The following MORF4L2 variants were observed in gnomAD, a reference collection of about 807,000 sequenced individuals.
MORF4L2 encodes mortality factor 4 like 2, also known as mortality factor 4-like protein 2.
Under a neutral mutation model 12.0 loss-of-function variants are expected in MORF4L2, and 1 was observed. The ratio of observed to expected loss-of-function variants is 0.08; its 90% confidence interval spans 0.03 to 0.40. MORF4L2 has a LOEUF of 0.40. MORF4L2 is among the 10% of genes least tolerant of loss of function. MORF4L2 has a pLI of 0.98. For missense variants in MORF4L2, 123 were observed against 214.0 expected (o/e 0.57, Z 2.65); for synonymous variants, 69 against 81.6 (o/e 0.85, Z 0.83).
At position 103,676,112 on chromosome X, in the gene MORF4L2, A is replaced by G. The variant is rs748449699; in HGVS notation, c.*49T>C. ...TTTTACAAGAAAAAGACTAAGAACA[A>G]AAAGTGTTTACAGATACAGGACAAA... On this transcript the variant is annotated 3_prime_UTR_variant, in exon 4 of 4. Transcript: ENST00000441076. The G allele has an allele frequency of 1.8e-6, 2 of 1,111,838 alleles. No individual in the cohort carries two copies. Among genetic ancestry groups the G allele is most frequent in the South Asian group, 2.3e-5 (1 of 44,139 alleles). 91.6% of individuals were successfully genotyped at this position (1,111,838 alleles called of 1,213,427 possible).
chrX:103,683,230 T>C (rs1434762454), intron 2 of MORF4L2, among the ~76,000 whole-genome samples: 1 of 111,424 alleles, frequency 9.0e-6, no homozygotes, highest in Non-Finnish European at 1.9e-5. Flanking sequence ...GGCGCCCACC[T>C]GTATTTTTAG....
Position 103,676,936 on chromosome X carries a change from C to A in MORF4L2, c.92G>T (p.Arg31Ile). 1 of 1,209,844 alleles carries A rather than the reference C, an allele frequency of 8.3e-7. No individual in the cohort carries two copies. Among genetic ancestry groups the A allele is most frequent in the Non-Finnish European group, 1.1e-6 (1 of 895,131 alleles). ...TGAGGAGGCCCCTCTCATTTTACTT[C>A]TCTGCATGTTGCTTCTAGTTGGTTT... is the stretch of plus-strand genomic sequence containing the variant. Reference protein sequence around the residue: ...FKKPTRSNMQRSKMRGASSGK... With the variant: ...FKKPTRSNMQISKMRGASSGK... Residue 31 changes from arginine to isoleucine, a missense_variant, in exon 4 of 4, where the codon AGA (arginine) becomes ATA (isoleucine). Transcript: ENST00000441076.
At chrX:103,684,609 G>C (rs1048039595) in intron 2 of MORF4L2, 1 of 111,869 alleles carries the variant, frequency 8.9e-6, no homozygotes, top group African/African-American at 3.3e-5. Context: ...AGAAGTAGGT[G>C]TAAATGTGTA....
rs917203451 is a variant in MORF4L2, at chrX:103,676,593, C to T, written c.435G>A (p.Gln145=). ...TTTTCTTGGCAGGGAGTTGAAACAG[C>T]TGCTTCTGCCTGGTAACTAAGTCCC... ...EDWDLVTRQK[Q]LFQLPAKKNV... The change falls in exon 4 of 4, where the codon CAG becomes CAA. Residue 145 remains glutamine (Q), a synonymous_variant. Transcript: ENST00000441076. 2.5e-6 allele frequency: 3 copies of T among 1,208,474 alleles called. No individual in the cohort carries two copies. The highest frequency in any genetic ancestry group is 2.3e-4 in the Middle Eastern group (1 of 4,369).
At chrX:103,681,298 A>G (rs1334359815) in intron 2 of MORF4L2, among the ~76,000 whole-genome samples, 1 of 112,040 alleles carries the variant, frequency 8.9e-6, no homozygotes, top group Non-Finnish European at 1.9e-5. Flanking sequence ...TATAAATAAT[A>G]CATTTAAACA....
At chrX:103,681,560 G>A (rs1193618089) in intron 2 of MORF4L2, among the ~76,000 whole-genome samples, 1 of 110,612 alleles carries the variant, frequency 9.0e-6, no homozygotes, top group Non-Finnish European at 1.9e-5. Flanking sequence ...TTTTGCTCTC[G>A]CTTCCTTTTG....
chrX:103,682,382 C>T (rs1183562003), intron 2 of MORF4L2, among the ~76,000 whole-genome samples: 1 of 111,733 alleles, frequency 8.9e-6, no homozygotes, highest in Non-Finnish European at 1.9e-5. Context: ...AACTATTTAG[C>T]GAAAGGATTT....
intron 3 of MORF4L2, among the ~76,000 whole-genome samples, 199 bp downstream of exon 3, chrX:103,678,300 G>C (rs1485767999): frequency 9.0e-6 from 1 of 111,043 alleles, no homozygotes; most frequent in Admixed American, 9.6e-5. Flanking sequence ...GACCACAAAT[G>C]AAACAAAAAT....
intron 2 of MORF4L2, 33 bp downstream of exon 2, chrX:103,685,138 T>G (rs2074068752): frequency 8.9e-6 from 1 of 112,176 alleles, no homozygotes; most frequent in Non-Finnish European, 1.9e-5. Context: ...TATTATCCTG[T>G]TTGAGAACTG....
chrX:103,680,172 T>C (rs5945799), intron 2 of MORF4L2, among the ~76,000 whole-genome samples: 443 of 111,952 alleles, frequency 4.0e-3, no homozygotes, highest in Non-Finnish European at 6.9e-3. Context: ...TGGGTGACAG[T>C]GAGACTCTGT....
At position 103,676,732 on chromosome X, in the gene MORF4L2, C is replaced by G; in HGVS notation, c.296G>C (p.Arg99Pro). Residue 99 changes from arginine to proline, a missense_variant, in exon 4 of 4, where the codon CGG (arginine) becomes CCG (proline). By Grantham distance (103) the Arg-to-Pro change is moderately radical. Coordinates refer to ENST00000441076, the MANE Select transcript of MORF4L2 (RefSeq NM_012286.3). ...GGGGTCTGCCCGGGCCCTTTTCTTC[C>G]GAGGGGGCTGAGGTGCTTCGCTGGT... ...GSTSEAPQPP[R>P]KKRARADPTV... The G allele has an allele frequency of 8.3e-7, 1 of 1,207,080 alleles. No individual in the cohort carries two copies. Among genetic ancestry groups the G allele is most frequent in the Middle Eastern group, 2.3e-4 (1 of 4,290 alleles).
chrX:103,681,919 A>G (rs1012899011), intron 2 of MORF4L2, among the ~76,000 whole-genome samples: 19 of 111,190 alleles, frequency 1.7e-4, no homozygotes, highest in African/African-American at 5.6e-4. Context: ...ACTATAGATA[A>G]CAAATTATAT....
At position 103,676,494 on chromosome X, in the gene MORF4L2, C is replaced by T. The variant is rs141716716; in HGVS notation, c.534G>A (p.Ala178=). ...TTATTCCTGCCACAACTTCATTAAC[C>T]GCATATTCCTTATTATCAACATTTC... The part of the protein sequence containing the change: ...SQGNVDNKEY[A]VNEVVAGIKE... The change falls in exon 4 of 4, where the codon GCG becomes GCA. Residue 178 remains alanine (A), a synonymous_variant. Coordinates refer to ENST00000441076, the MANE Select transcript of MORF4L2 (RefSeq NM_012286.3). 81 of 1,208,920 alleles carry T rather than the reference C, an allele frequency of 6.7e-5. No individual in the cohort carries two copies. The African/African-American group carries it at 9.7e-4, about 14-fold the overall frequency.
chrX:103,675,891 T>C lies in MORF4L2; in HGVS notation c.*270A>G. 3.8e-6 allele frequency: 1 copy of C among 265,001 alleles called. No individual in the cohort carries two copies. Among genetic ancestry groups the C allele is most frequent in the Non-Finnish European group, 6.6e-6 (1 of 151,409 alleles). The allele number at this position is 265,001 out of a possible 1,213,427, so 21.8% of individuals were successfully genotyped here. A position where few individuals can be genotyped will look rare whatever the true frequency, so the allele number is the denominator to read the frequency against. ...GTCAAAGGGATAGGAACCACCAGCA[T>C]TCAAGCAATGTTGTCAACTAGGCAA... On this transcript the variant is annotated 3_prime_UTR_variant, in exon 4 of 4. Transcript: ENST00000441076.
intron 2 of MORF4L2, among the ~76,000 whole-genome samples, chrX:103,678,869 T>C (rs1350926490): frequency 8.9e-6 from 1 of 111,982 alleles, no homozygotes; most frequent in Non-Finnish European, 1.9e-5. Context: ...CTTTTTCTCA[T>C]CTGTGGAATG....
intron 3 of MORF4L2, among the ~76,000 whole-genome samples, chrX:103,677,358 T>C (rs1175151597): frequency 1.8e-5 from 2 of 112,214 alleles, no homozygotes; most frequent in East Asian, 2.8e-4. Flanking sequence ...TGAAAAACTA[T>C]AAAAGACAGT....
intron 2 of MORF4L2, among the ~76,000 whole-genome samples, chrX:103,680,971 T>C (rs756106897): frequency 1.8e-5 from 2 of 111,817 alleles, no homozygotes; most frequent in African/African-American, 3.3e-5. Flanking sequence ...ATAGTGAAAA[T>C]ACCACCTAAA....
chrX:103,685,160 G>T lies in MORF4L2; in HGVS notation c.-178+11C>A, dbSNP rs1467608199. On this transcript the variant is annotated intron_variant, in intron 2 of 3. Transcript: ENST00000441076. ...CTGTTTGAGAACTGAGGACAGAAGGGAGGCACTTACCCAAGATTCTGTAAT... is the reference window on the plus strand; with the variant it reads ...CTGTTTGAGAACTGAGGACAGAAGGTAGGCACTTACCCAAGATTCTGTAAT... 1 of 112,190 alleles carries T rather than the reference G, an allele frequency of 8.9e-6. No homozygotes were observed. Among genetic ancestry groups the T allele is most frequent in the South Asian group, 3.6e-4 (1 of 2,742 alleles). The allele number at this position is 112,190 out of a possible 1,213,427, so 9.2% of individuals were successfully genotyped here. A position where few individuals can be genotyped will look rare whatever the true frequency, so the allele number is the denominator to read the frequency against.
chrX:103,679,349 C>A (rs867560202), intron 2 of MORF4L2, among the ~76,000 whole-genome samples: 371 of 62,900 alleles, frequency 5.9e-3, no homozygotes, highest in Non-Finnish European at 7.1e-3. Context: ...ACTAAAAATA[C>A]AAAAAAAAAA....
Sources: allele counts gnomAD v4.1 joint callset (sites outside exome capture counted in the v4.1 genomes callset), GRCh38; gene constraint gnomAD v4.1.1; transcripts MANE v1.5; gene names NCBI Gene and HGNC (gene_info 2026-07-23, HGNC 2026-07-21).